The following NHSL1 variants were observed in gnomAD, a reference collection of about 807,000 sequenced individuals.
NHSL1 encodes the protein NHS-like protein 1.
A neutral mutation model predicts 95.0 loss-of-function variants in NHSL1; 48 were observed. The ratio of observed to expected loss-of-function variants is 0.51; its 90% CI spans 0.40 to 0.64. NHSL1 has a LOEUF of 0.64. Ranked by LOEUF, NHSL1 falls within the 30% of genes least tolerant of loss-of-function variation. The probability of loss-of-function intolerance (pLI) is 0.00; values close to 1 mark genes in which losing one functional copy is unlikely to be tolerated. For missense variants in NHSL1, 1,971 were observed against 2,077.7 expected, an observed-to-expected ratio of 0.95 and a Z score of 1.00; for synonymous variants, 783 against 833.9, an observed-to-expected ratio of 0.94 and a Z score of 1.05.
intron 1 of NHSL1, among the ~76,000 whole-genome samples, chr6:138,619,194 C>T (rs892631429): frequency 2.6e-5 from 4 of 152,024 alleles, no homozygotes; most frequent in South Asian, 2.1e-4. Flanking sequence ...AAAAATTATC[C>T]GGGCATGGTG....
chr6:138,620,755 A>T (rs1029521912), intron 1 of NHSL1, among the ~76,000 whole-genome samples: 2 of 152,220 alleles, frequency 1.3e-5, no homozygotes, highest in Admixed American at 1.3e-4. Flanking sequence ...TAACTGTGCC[A>T]GTAAATATAA....
At chr6:138,679,982 G>T (rs1321309205) in intron 1 of NHSL1, among the ~76,000 whole-genome samples, 1 of 152,022 alleles carries the variant, frequency 6.6e-6, no homozygotes, top group Non-Finnish European at 1.5e-5. Flanking sequence ...TACTCTCTAG[G>T]TTATGATTTT....
At chr6:138,468,709 G>C (rs1390257325) in intron 3 of NHSL1, among the ~76,000 whole-genome samples, 1 of 152,134 alleles carries the variant, frequency 6.6e-6, no homozygotes, top group Admixed American at 6.5e-5. Context: ...GGGGCCACTG[G>C]GCTATCCCAT....
In NHSL1 at chr6:138,626,641, CCCAG is replaced by C. The variant is rs1303219599; in HGVS notation, c.96+65831_96+65834del. 1.4e-4 allele frequency among the ~76,000 whole-genome samples: 11 copies of C among 78,634 alleles called. 2 individuals are homozygous for C. The highest frequency in any genetic ancestry group is 2.4e-4 in the Admixed American group (2 of 8,284). 51.6% of individuals were successfully genotyped at this position (78,634 alleles called of 152,430 possible). On this transcript the variant is annotated intron_variant, in intron 1 of 3. Transcript: ENST00000491526. ...GGGCGCGGTGGCTCACGCCTGTAAT[CCCAG>C]CACTTTGGGAGGCCGAGGCGGGCGG...
chr6:138,617,960 T>G (rs1254149260), intron 1 of NHSL1, among the ~76,000 whole-genome samples: 2 of 152,324 alleles, frequency 1.3e-5, no homozygotes, highest in Middle Eastern at 3.4e-3. Flanking sequence ...ACATTTCTCA[T>G]GAAGCACCGT....
At chr6:138,603,383 A>C (rs2114569048) in intron 1 of NHSL1, among the ~76,000 whole-genome samples, 1 of 152,226 alleles carries the variant, frequency 6.6e-6, no homozygotes, top group African/African-American at 2.4e-5. Context: ...ACCACCACAC[A>C]CAGTGCTCTA....
chr6:138,678,971 A>T (rs1785480944), intron 1 of NHSL1, among the ~76,000 whole-genome samples: 1 of 152,100 alleles, frequency 6.6e-6, no homozygotes, highest in African/African-American at 2.4e-5. Flanking sequence ...ATCGCCTCCC[A>T]CCTCTATCAT....
At chr6:138,503,467 T>C (rs1780795839), upstream of NHSL1, among the ~76,000 whole-genome samples, 2 of 152,186 alleles carry the variant, frequency 1.3e-5, no homozygotes, top group Admixed American at 1.3e-4. Context: ...GACTATTTCA[T>C]AACGTGAAAA....
At chr6:138,547,564 T>C (rs1782849743), upstream of NHSL1, among the ~76,000 whole-genome samples, 2 of 152,174 alleles carry the variant, frequency 1.3e-5, no homozygotes. Flanking sequence ...TTTGTATTTT[T>C]AGCAGAGACA....
At chr6:138,471,537 G>A (rs1036878928) in intron 3 of NHSL1, among the ~76,000 whole-genome samples, 1 of 152,138 alleles carries the variant, frequency 6.6e-6, no homozygotes, top group African/African-American at 2.4e-5. Flanking sequence ...GCTCAAAGGA[G>A]TAATCCAATA....
chr6:138,527,650 A>G, intron 1 of NHSL1, among the ~76,000 whole-genome samples: 1 of 152,186 alleles, frequency 6.6e-6, no homozygotes, highest in East Asian at 1.9e-4. Context: ...GAGACTGAAA[A>G]CCCAAAGTGA....
rs561852419 is a variant in NHSL1, at chr6:138,494,248, A to G, written c.211+1971T>C. On this transcript the variant is annotated intron_variant, in intron 2 of 7. Transcript: ENST00000343505. Reference sequence around the variant, plus strand: ...ATTTTCCACATTGTGTTTGAGAGCTAGGACCCTGCCTTTGTACTCTGCACT... The same window carrying G: ...ATTTTCCACATTGTGTTTGAGAGCTGGGACCCTGCCTTTGTACTCTGCACT... 2.0e-5 allele frequency among the ~76,000 whole-genome samples: 3 copies of G among 152,322 alleles called. No homozygotes were observed. The South Asian group carries it at 6.2e-4, about 32-fold the overall frequency.
At position 138,476,957 on chromosome 6, in the gene NHSL1, T is replaced by TAA. The variant is rs58311101; in HGVS notation, c.212-3526_212-3525dup. ...AACCTGCACATATACTCCCTGAATCTAAAAAAAAAAAAAAAAAAAAAAAAA... is the reference window on the plus strand; with the variant it reads ...AACCTGCACATATACTCCCTGAATCTAAAAAAAAAAAAAAAAAAAAAAAAAAA... On this transcript the variant is annotated intron_variant, in intron 2 of 7. Coordinates refer to ENST00000343505, the MANE Select transcript of NHSL1 (RefSeq NM_001144060.2). 1.4e-3 allele frequency among the ~76,000 whole-genome samples: 144 copies of TAA among 100,498 alleles called. 1 individual carries two copies. The highest frequency in any genetic ancestry group is 2.4e-3 in the East Asian group (9 of 3,734). 65.9% of individuals were successfully genotyped at this position (100,498 alleles called of 152,430 possible). A position where few individuals can be genotyped will look rare whatever the true frequency, so the allele number is the denominator to read the frequency against.
chr6:138,691,128 G>A (rs1475245966), intron 1 of NHSL1, among the ~76,000 whole-genome samples: 1 of 152,226 alleles, frequency 6.6e-6, no homozygotes, highest in Non-Finnish European at 1.5e-5. Flanking sequence ...TACTAGGACA[G>A]TGTATCCTAC....
At chr6:138,537,408 G>A (rs752116399) in intron 1 of NHSL1, among the ~76,000 whole-genome samples, 18 of 152,040 alleles carry the variant, frequency 1.2e-4, no homozygotes, top group South Asian at 2.1e-4. Context: ...AAAAGTTGGC[G>A]TAAATATGCT....
At chr6:138,442,405 A>AG (rs1776587847) in intron 4 of NHSL1, among the ~76,000 whole-genome samples, 1 of 152,224 alleles carries the variant, frequency 6.6e-6, no homozygotes, top group African/African-American at 2.4e-5. Flanking sequence ...GTGTTATTTA[A>AG]CAAAACAAAA....
chr6:138,657,518 G>GA (rs890715682), intron 1 of NHSL1, among the ~76,000 whole-genome samples: 9 of 151,954 alleles, frequency 5.9e-5, no homozygotes, highest in African/African-American at 1.9e-4. Flanking sequence ...ATATAGGTAA[G>GA]AAAAAAGAGT....
At chr6:138,465,594 A>G (rs1367966334) in intron 3 of NHSL1, among the ~76,000 whole-genome samples, 1 of 152,202 alleles carries the variant, frequency 6.6e-6, no homozygotes, top group East Asian at 1.9e-4. Context: ...CAGGTTATAT[A>G]TAATGCTTTT....
At chr6:138,590,180 TAG>T (rs922034192) in intron 1 of NHSL1, among the ~76,000 whole-genome samples, 5 of 152,154 alleles carry the variant, frequency 3.3e-5, no homozygotes, top group Non-Finnish European at 7.4e-5. Context: ...GTATTTTTAG[TAG>T]AGACAGGGTT....
Sources: allele counts gnomAD v4.1 joint callset (sites outside exome capture counted in the v4.1 genomes callset), GRCh38; gene constraint gnomAD v4.1.1; transcripts MANE v1.5; gene names NCBI Gene and HGNC (gene_info 2026-07-23, HGNC 2026-07-21).